MACROD2: variants seen among roughly 807,000 people sequenced by gnomAD.
The protein encoded by MACROD2 is ADP-ribose glycohydrolase MACROD2.
MACROD2 carries 36 observed loss-of-function variants against 70.4 expected under a neutral mutation model. The ratio of observed to expected loss-of-function variants is 0.51; its 90% confidence interval spans 0.39 to 0.68. MACROD2 has a LOEUF of 0.68. Ranked by LOEUF, MACROD2 falls within the 30% of genes least tolerant of loss-of-function variation. The pLI, the probability that MACROD2 is intolerant of heterozygous loss-of-function variation, is 0.00. For missense variants in MACROD2, 496 were observed against 538.4 expected (o/e 0.92, Z 0.78); for synonymous variants, 172 against 178.8 (o/e 0.96, Z 0.30).
At chr20:14,899,512 T>C (rs2073870884) in intron 5 of MACROD2, among the ~76,000 whole-genome samples, 1 of 152,216 alleles carries the variant, frequency 6.6e-6, no homozygotes, top group African/African-American at 2.4e-5. Flanking sequence ...CTCTGATCAC[T>C]GCTTTCATCC....
In MACROD2 at chr20:15,140,003, A is replaced by G. The variant is rs142055501; in HGVS notation, c.419-89937A>G. ...TATCGCCATTGAGGCAGCAAGCCCAACTGTTTATCTTTTTTCTTATTTGGT... is the reference window on the plus strand; with the variant it reads ...TATCGCCATTGAGGCAGCAAGCCCAGCTGTTTATCTTTTTTCTTATTTGGT... On this transcript the variant is annotated intron_variant, in intron 5 of 17. Transcript: ENST00000684519. 5.3e-4 allele frequency among the ~76,000 whole-genome samples: 81 copies of G among 152,298 alleles called. 1 individual carries two copies. The East Asian group carries it at 0.015, about 29-fold the overall frequency.
intron 3 of MACROD2, among the ~76,000 whole-genome samples, chr20:14,186,195 G>T (rs950148621): frequency 6.6e-6 from 1 of 152,096 alleles, no homozygotes; most frequent in Non-Finnish European, 1.5e-5. Flanking sequence ...TGCCTTGAAG[G>T]CATTCCCTAG....
chr20:14,538,697 C>T (rs759948553), intron 4 of MACROD2, among the ~76,000 whole-genome samples: 4 of 152,198 alleles, frequency 2.6e-5, no homozygotes, highest in Non-Finnish European at 4.4e-5. Context: ...CTCCTTCGTA[C>T]ATTGTCATCT....
chr20:15,924,227 T>C (rs2065455144), intron 10 of MACROD2, among the ~76,000 whole-genome samples: 1 of 152,242 alleles, frequency 6.6e-6, no homozygotes, highest in Non-Finnish European at 1.5e-5. Flanking sequence ...GAATTGGTTT[T>C]TGCTTCCCAT....
chr20:14,463,888 T>A lies in MACROD2; in HGVS notation c.272-29591T>A, dbSNP rs191720372. Among the ~76,000 whole-genome samples the A allele has an allele frequency of 7.0e-3, 1,066 of 152,174 alleles. 22 individuals carry two copies. Among genetic ancestry groups the A allele is most frequent in the African/African-American group, 0.025 (1,026 of 41,460 alleles). ...CTTGCATCCCAGGGATGAAGCCCAC[T>A]AGATCATGGTGGATAAGCTTTTTGA... On this transcript the variant is annotated intron_variant, in intron 3 of 17. Transcript: ENST00000684519.
intron 3 of MACROD2, among the ~76,000 whole-genome samples, chr20:14,218,631 G>A (rs1017957589): frequency 6.6e-6 from 1 of 152,142 alleles, no homozygotes; most frequent in Non-Finnish European, 1.5e-5. Context: ...TATAGGTCCT[G>A]TGTGATTTAT....
At chr20:15,777,556 TC>T (rs1179250415) in intron 8 of MACROD2, among the ~76,000 whole-genome samples, 38 of 104,158 alleles carry the variant, frequency 3.6e-4, no homozygotes, top group African/African-American at 5.3e-4. Flanking sequence ...CTTCCTTCCT[TC>T]CTTCCTTCCT....
chr20:14,540,791 GA>G (rs1415289239), intron 4 of MACROD2, among the ~76,000 whole-genome samples: 1 of 152,194 alleles, frequency 6.6e-6, no homozygotes, highest in African/African-American at 2.4e-5. Flanking sequence ...GCTGGCAACA[GA>G]GAGGTTCTTT....
At chr20:15,496,024 G>C (rs983416032) in intron 7 of MACROD2, among the ~76,000 whole-genome samples, 2 of 152,182 alleles carry the variant, frequency 1.3e-5, no homozygotes, top group African/African-American at 4.8e-5. Flanking sequence ...GGCCAGTGTC[G>C]TTGCAGTGGA....
At chr20:15,653,105 A>G (rs907109010) in intron 8 of MACROD2, among the ~76,000 whole-genome samples, 7 of 152,206 alleles carry the variant, frequency 4.6e-5, no homozygotes, top group Non-Finnish European at 1.0e-4. Context: ...TAGGCCCTAC[A>G]CACTCTTCAA....
chr20:15,446,177 T>C (rs2046563364), intron 7 of MACROD2, among the ~76,000 whole-genome samples: 1 of 152,180 alleles, frequency 6.6e-6, no homozygotes, highest in South Asian at 2.1e-4. Flanking sequence ...CAAATCCTGT[T>C]TATATGGACT....
chr20:16,016,036 T>A (rs1320271659), intron 15 of MACROD2, among the ~76,000 whole-genome samples: 1 of 152,090 alleles, frequency 6.6e-6, no homozygotes, highest in East Asian at 1.9e-4. Flanking sequence ...TGAGATGACT[T>A]TTCCATTGTC....
At chr20:15,944,717 G>GT (rs1384437967) in intron 12 of MACROD2, among the ~76,000 whole-genome samples, 1 of 152,004 alleles carries the variant, frequency 6.6e-6, no homozygotes, top group East Asian at 1.9e-4. Flanking sequence ...ACAATGAATA[G>GT]TTTTTTAATT....
intron 3 of MACROD2, among the ~76,000 whole-genome samples, chr20:14,374,141 A>G (rs2083351068): frequency 6.6e-6 from 1 of 152,206 alleles, no homozygotes; most frequent in East Asian, 1.9e-4. Context: ...AACACTAATT[A>G]TACTTTTATC....
At chr20:14,557,369 A>G (rs961328212) in intron 4 of MACROD2, among the ~76,000 whole-genome samples, 1 of 151,958 alleles carries the variant, frequency 6.6e-6, no homozygotes, top group South Asian at 2.1e-4. Context: ...AGAAAGATAC[A>G]TACACTGGAC....
chr20:14,791,535 T>A (rs1442882014), intron 5 of MACROD2, among the ~76,000 whole-genome samples: 2 of 152,086 alleles, frequency 1.3e-5, no homozygotes, highest in African/African-American at 4.8e-5. Flanking sequence ...TATTTTTTTC[T>A]CTGGGCCTAA....
chr20:15,410,775 C>T (rs960239083), intron 6 of MACROD2, among the ~76,000 whole-genome samples: 2 of 152,142 alleles, frequency 1.3e-5, no homozygotes, highest in East Asian at 1.9e-4. Context: ...AAAACCAACA[C>T]GCCTTGCAGG....
chr20:14,799,705 A>T (rs991530438), intron 5 of MACROD2, among the ~76,000 whole-genome samples: 3 of 152,066 alleles, frequency 2.0e-5, no homozygotes, highest in Non-Finnish European at 4.4e-5. Context: ...TGGCTCTCAC[A>T]TTAAGTATAT....
At chr20:15,695,785 G>A (rs36006719) in intron 8 of MACROD2, among the ~76,000 whole-genome samples, 36,601 of 146,166 alleles carry the variant, frequency 0.25, 6,079 homozygotes, top group African/African-American at 0.48. Context: ...GCATATTCCT[G>A]CGTATTTTTT....
Sources: allele counts gnomAD v4.1 joint callset (sites outside exome capture counted in the v4.1 genomes callset), GRCh38; gene constraint gnomAD v4.1.1; transcripts MANE v1.5; gene names NCBI Gene and HGNC (gene_info 2026-07-23, HGNC 2026-07-21).